Variants in ADAMTSL3 observed in about 807,000 individuals in gnomAD.
ADAMTSL3 encodes ADAMTS like 3, also known as ADAMTS-like protein 3.
Under a neutral mutation model 201.7 loss-of-function variants are expected in ADAMTSL3, and 128 were observed. The ratio of observed to expected loss-of-function variants is 0.63; its 90% CI spans 0.55 to 0.73. The LOEUF (loss-of-function observed/expected upper bound fraction) is 0.73. ADAMTSL3 is among the 30% of genes least tolerant of loss of function. The pLI, the probability that ADAMTSL3 is intolerant of heterozygous loss-of-function variation, is 0.00. For synonymous variants in ADAMTSL3, 738 were observed against 748.4 expected, an observed-to-expected ratio of 0.99 and a Z score of 0.23; for missense variants, 1,990 against 2,119.6, an observed-to-expected ratio of 0.94 and a Z score of 1.20.
chr15:83,942,557 T>C (rs1268101855), intron 17 of ADAMTSL3, 39 bp from the exon 18 acceptor site: 5 of 1,588,580 alleles, frequency 3.1e-6, no homozygotes, highest in Middle Eastern at 2.1e-4. Flanking sequence ...CGTTGGTTTA[T>C]TGGACTGTTC....
intron 27 of ADAMTSL3, among the ~76,000 whole-genome samples, chr15:84,029,203 G>T (rs891422346): frequency 6.6e-6 from 1 of 152,200 alleles, no homozygotes; most frequent in Non-Finnish European, 1.5e-5. Flanking sequence ...AGTTTGGAGG[G>T]CTCAGAAGAA....
intron 5 of ADAMTSL3, 98 bp downstream of exon 5, chr15:83,804,793 AC>A: frequency 1.1e-6 from 1 of 879,444 alleles, no homozygotes; most frequent in Non-Finnish European, 1.7e-6. Flanking sequence ...GTCTCTTAAT[AC>A]CCTTTGTGGA....
chr15:83,981,162 C>T (rs1414570780), intron 20 of ADAMTSL3, among the ~76,000 whole-genome samples: 1 of 152,200 alleles, frequency 6.6e-6, no homozygotes, highest in Non-Finnish European at 1.5e-5. Context: ...TCCAGACTTC[C>T]ACCCATATCA....
chr15:83,945,344 C>T (rs2066634956), intron 19 of ADAMTSL3, among the ~76,000 whole-genome samples: 1 of 152,182 alleles, frequency 6.6e-6, no homozygotes, highest in African/African-American at 2.4e-5. Context: ...GAGACCACCA[C>T]CCCAAAGGAG....
At chr15:83,860,848 T>C (rs2064840021) in intron 8 of ADAMTSL3, among the ~76,000 whole-genome samples, 2 of 152,184 alleles carry the variant, frequency 1.3e-5, no homozygotes, top group Admixed American at 1.3e-4. Context: ...ACACTGAGCC[T>C]GAGCCAAAGC....
chr15:83,907,919 G>A (rs142496570), intron 15 of ADAMTSL3, among the ~76,000 whole-genome samples: 8 of 152,190 alleles, frequency 5.3e-5, no homozygotes, highest in African/African-American at 1.7e-4. Flanking sequence ...TGGATCAAAC[G>A]GCAGTTTTAT....
intron 15 of ADAMTSL3, among the ~76,000 whole-genome samples, chr15:83,909,901 C>A (rs757302428): frequency 2.6e-5 from 4 of 152,030 alleles, no homozygotes; most frequent in Non-Finnish European, 5.9e-5. Flanking sequence ...TAGGCATGAG[C>A]CACCACGCCC....
At chr15:84,029,108 TAC>T in intron 27 of ADAMTSL3, among the ~76,000 whole-genome samples, 1 of 152,268 alleles carries the variant, frequency 6.6e-6, no homozygotes, top group Non-Finnish European at 1.5e-5. Flanking sequence ...AGTAAATTGG[TAC>T]AGCAGAGAGA....
chr15:83,914,017 T>A (rs1882074838), intron 16 of ADAMTSL3, among the ~76,000 whole-genome samples: 1 of 152,172 alleles, frequency 6.6e-6, no homozygotes, highest in South Asian at 2.1e-4. Flanking sequence ...TCTTGAGGGC[T>A]CTGTTGAAAG....
chr15:83,949,594 C>G (rs923757982), intron 19 of ADAMTSL3, among the ~76,000 whole-genome samples: 5 of 151,994 alleles, frequency 3.3e-5, no homozygotes, highest in African/African-American at 1.2e-4. Flanking sequence ...AAACTGTTCT[C>G]CATAGTAGTT....
chr15:84,001,467 TAC>T (rs1221071291), intron 23 of ADAMTSL3, among the ~76,000 whole-genome samples: 7 of 152,358 alleles, frequency 4.6e-5, no homozygotes, highest in African/African-American at 1.4e-4. Flanking sequence ...CAAACTCAGA[TAC>T]ACACAGTTAC....
At chr15:83,999,977 A>G (rs768865343) in intron 23 of ADAMTSL3, among the ~76,000 whole-genome samples, 8 of 152,076 alleles carry the variant, frequency 5.3e-5, no homozygotes, top group Non-Finnish European at 7.3e-5. Flanking sequence ...ATTTTCCCCT[A>G]TCAACTGCTA....
chr15:83,811,268 G>A (rs2063691713), intron 5 of ADAMTSL3, among the ~76,000 whole-genome samples: 1 of 152,144 alleles, frequency 6.6e-6, no homozygotes, highest in South Asian at 2.1e-4. Flanking sequence ...GATAGCTAAA[G>A]TTTTCTTTGG....
At position 83,899,731 on chromosome 15, in the gene ADAMTSL3, C is replaced by T. The variant is rs200618255; in HGVS notation, c.1700C>T (p.Thr567Met). The T allele has an allele frequency of 2.5e-5, 40 of 1,610,102 alleles. No homozygotes were observed. The highest frequency in any genetic ancestry group is 2.2e-5 in the East Asian group (1 of 44,556). Residue 567 changes from threonine (T) to methionine (M), a missense_variant and splice_region_variant, in exon 15 of 30, where the codon ACG becomes ATG. By Grantham distance (81) the Thr-to-Met change is moderately conservative (BLOSUM62 -1). Transcript: ENST00000286744. ...ACCAGAATAGCAACAGAAGAACCAA[C>T]GTGAGTCCAGGACCTTTTGTAGGAA... Reference protein sequence around the residue: ...EETRIATEEPTFIPEPWSACS... With the variant: ...EETRIATEEPMFIPEPWSACS...
intron 7 of ADAMTSL3, among the ~76,000 whole-genome samples, chr15:83,841,840 C>G (rs1312104889): frequency 6.6e-6 from 1 of 151,846 alleles, no homozygotes. Flanking sequence ...TATAAAAACC[C>G]CAAGACCCTA....
chr15:83,760,829 CTTTTAT>C (rs1431533615), intron 3 of ADAMTSL3, among the ~76,000 whole-genome samples: 4 of 151,906 alleles, frequency 2.6e-5, no homozygotes, highest in Non-Finnish European at 4.4e-5. Flanking sequence ...TTTTTTCAAT[CTTTTAT>C]TTTTAATCTT....
intron 2 of ADAMTSL3, among the ~76,000 whole-genome samples, chr15:83,659,576 G>C (rs912425065): frequency 6.6e-6 from 1 of 152,206 alleles, no homozygotes; most frequent in Non-Finnish European, 1.5e-5. Context: ...CTCCCAGGCT[G>C]ACAGTGTGGA....
At chr15:83,897,163 A>G (rs2065632524) in intron 13 of ADAMTSL3, among the ~76,000 whole-genome samples, 1 of 152,242 alleles carries the variant, frequency 6.6e-6, no homozygotes, top group Non-Finnish European at 1.5e-5. Context: ...TTTATATGAC[A>G]TGAAAACATT....
chr15:83,845,517 G>A (rs186160001), intron 7 of ADAMTSL3, among the ~76,000 whole-genome samples: 58 of 152,292 alleles, frequency 3.8e-4, no homozygotes, highest in African/African-American at 1.4e-3. Context: ...TATCTTCTTA[G>A]GCAAGATGCT....
Sources: gnomAD v4.1 joint callset for allele counts (sites outside exome capture counted in the v4.1 genomes callset) on GRCh38, gnomAD v4.1.1 for gene constraint, MANE v1.5 for transcripts, NCBI Gene and HGNC (gene_info 2026-07-23, HGNC 2026-07-21) for gene names.